Variants in NALCN observed in about 807,000 individuals in gnomAD.
NALCN encodes the protein sodium leak channel, non-selective.
In NALCN, 111 loss-of-function variants were observed where a neutral mutation model predicts 225.3. The observed-to-expected ratio is 0.49, with a 90% CI of 0.42 to 0.58. NALCN has a LOEUF of 0.58. NALCN is among the 20% of genes least tolerant of loss of function. NALCN has a pLI of 0.00. For synonymous variants in NALCN, 764 were observed against 769.0 expected (o/e 0.99, Z 0.11); for missense variants, 1,378 against 2,202.4 (o/e 0.63, Z 7.49).
intron 18 of NALCN, among the ~76,000 whole-genome samples, chr13:101,117,716 ATAAT>A (rs934837336): frequency 3.5e-4 from 53 of 152,172 alleles, no homozygotes; most frequent in African/African-American, 1.2e-3. Context: ...TCCATGCTGA[ATAAT>A]TATTCCACTG....
At chr13:101,357,249 C>A (rs2046091606) in intron 6 of NALCN, among the ~76,000 whole-genome samples, 3 of 152,140 alleles carry the variant, frequency 2.0e-5, no homozygotes, top group Non-Finnish European at 2.9e-5. Flanking sequence ...GTGAAATTTT[C>A]TGTTTCCAGA....
At chr13:101,230,663 G>A (rs565792477) in intron 12 of NALCN, among the ~76,000 whole-genome samples, 2 of 152,266 alleles carry the variant, frequency 1.3e-5, no homozygotes, top group Admixed American at 6.5e-5. Context: ...CATAGAATAC[G>A]ACAGGTCCTG....
chr13:101,373,028 C>A, intron 6 of NALCN: 2 of 379,344 alleles, frequency 5.3e-6, no homozygotes, highest in Non-Finnish European at 5.2e-6. Flanking sequence ...ATCAGACATT[C>A]AAAAGATAAT....
intron 10 of NALCN, among the ~76,000 whole-genome samples, chr13:101,279,012 A>C (rs1407604256): frequency 6.6e-6 from 1 of 152,182 alleles, no homozygotes; most frequent in Non-Finnish European, 1.5e-5. Flanking sequence ...TAATAAACAT[A>C]ATTGATCATC....
rs767930272 is a variant in NALCN at position 101,229,418 on chromosome 13, A to G, written c.1601T>C (p.Leu534Pro). Residue 534 changes from leucine (L) to proline (P), a missense_variant, in exon 13 of 44, where the codon CTG (leucine) becomes CCG (proline). This residue lies in a region of NALCN where 18 missense variants were observed against 18.0 expected (regional missense o/e 1.00). Transcript: ENST00000251127. Reference sequence around the variant, plus strand: ...CCTCGGAAACGTAGTAAATCTGTCCAGTTCTTCGACAAAGCAGAACATCTG... The same window carrying G: ...CCTCGGAAACGTAGTAAATCTGTCCGGTTCTTCGACAAAGCAGAACATCTG... Reference protein sequence around the residue: ...SLQMFCFVEELDRFTTFPRAF... With the variant: ...SLQMFCFVEEPDRFTTFPRAF... The G allele has an allele frequency of 6.2e-7, 1 of 1,601,286 alleles. No homozygotes were observed. Among genetic ancestry groups the G allele is most frequent in the Non-Finnish European group, 8.5e-7 (1 of 1,174,686 alleles).
intron 40 of NALCN, 68 bp from the exon 41 acceptor site, chr13:101,062,186 A>C (rs1030718445): frequency 1.5e-5 from 24 of 1,550,058 alleles, no homozygotes; most frequent in Non-Finnish European, 2.0e-5. Flanking sequence ...TAGATACGTC[A>C]AAATCCAGAG....
At chr13:101,208,011 C>T (rs954785574) in intron 13 of NALCN, among the ~76,000 whole-genome samples, 4 of 151,866 alleles carry the variant, frequency 2.6e-5, no homozygotes, top group Non-Finnish European at 5.9e-5. Flanking sequence ...AGCTGTAACA[C>T]TCACCACGAA....
At position 101,055,059 on chromosome 13, in the gene NALCN, A is replaced by G; in HGVS notation, c.*236T>C. Reference sequence around the variant, plus strand: ...GTGATATACATTTGCTTGCGGTATCATTTCTAATATTATCAGTACTGTCAT... The same window carrying G: ...GTGATATACATTTGCTTGCGGTATCGTTTCTAATATTATCAGTACTGTCAT... On this transcript the variant is annotated 3_prime_UTR_variant, in exon 44 of 44. Transcript: ENST00000251127. 1 of 493,078 alleles carries G rather than the reference A, an allele frequency of 2.0e-6. No individual in the cohort carries two copies. Among genetic ancestry groups the G allele is most frequent in the Non-Finnish European group, 3.6e-6 (1 of 280,026 alleles). 30.5% of individuals were successfully genotyped at this position (493,078 alleles called of 1,614,324 possible).
rs2045186525 is a variant in NALCN, at chr13:101,331,864, A to G, written c.799+13402T>C. Reference sequence around the variant, plus strand: ...GCCTGCCTGCACTCCACCTCTGCACACAGTGACTCAGCTAAGCAGCCCCCA... The same window carrying G: ...GCCTGCCTGCACTCCACCTCTGCACGCAGTGACTCAGCTAAGCAGCCCCCA... On this transcript the variant is annotated intron_variant, in intron 7 of 43. Coordinates refer to ENST00000251127, the MANE Select transcript of NALCN (RefSeq NM_052867.4). 3.3e-5 allele frequency among the ~76,000 whole-genome samples: 5 copies of G among 152,166 alleles called. 1 individual carries two copies. The South Asian group carries it at 1.0e-3, about 31-fold the overall frequency.
At chr13:101,296,442 C>T (rs1370994452) in intron 7 of NALCN, among the ~76,000 whole-genome samples, 1 of 152,148 alleles carries the variant, frequency 6.6e-6, no homozygotes, top group Non-Finnish European at 1.5e-5. Context: ...AACACCTGCA[C>T]ACTCATATAT....
chr13:101,349,937 G>A (rs2045860194), intron 6 of NALCN, among the ~76,000 whole-genome samples: 1 of 152,072 alleles, frequency 6.6e-6, no homozygotes, highest in South Asian at 2.1e-4. Flanking sequence ...TCCAAACCGT[G>A]GAGCAAACTT....
intron 13 of NALCN, among the ~76,000 whole-genome samples, chr13:101,201,991 C>A (rs1394482663): frequency 6.6e-6 from 1 of 152,118 alleles, no homozygotes; most frequent in Admixed American, 6.6e-5. Flanking sequence ...GCAAAAGTGA[C>A]TTCTCTTCTG....
chr13:101,416,498 T>C lies in NALCN; in HGVS notation c.-225A>G, dbSNP rs1261485471. ...CTGGGGCCGCGGCTCACGCTCGCCG[T>C]GTCACTCACTGAGCGCCGCCGCCGC... On this transcript the variant is annotated 5_prime_UTR_variant, in exon 1 of 44. Coordinates refer to ENST00000251127, the MANE Select transcript of NALCN (RefSeq NM_052867.4). 1 of 151,690 alleles carries C rather than the reference T, an allele frequency of 6.6e-6. No homozygotes were observed. Among genetic ancestry groups the C allele is most frequent in the Non-Finnish European group, 1.5e-5 (1 of 67,860 alleles). 9.4% of individuals were successfully genotyped at this position (151,690 alleles called of 1,614,324 possible).
intron 13 of NALCN, among the ~76,000 whole-genome samples, chr13:101,213,513 C>T (rs1180530622): frequency 1.3e-5 from 2 of 152,060 alleles, no homozygotes; most frequent in Non-Finnish European, 1.5e-5. Context: ...AACAGGCAAC[C>T]TACAGAATGA....
chr13:101,300,009 G>A (rs1011148226), intron 7 of NALCN, among the ~76,000 whole-genome samples: 1 of 151,326 alleles, frequency 6.6e-6, no homozygotes, highest in African/African-American at 2.4e-5. Context: ...AATGTATTTA[G>A]TGTGACATAA....
chr13:101,403,232 A>G (rs1238724428), intron 1 of NALCN, among the ~76,000 whole-genome samples: 1 of 152,156 alleles, frequency 6.6e-6, no homozygotes, highest in African/African-American at 2.4e-5. Context: ...GGTATACAGC[A>G]CTGAATATGA....
chr13:101,294,944 G>A (rs894276756), intron 7 of NALCN, among the ~76,000 whole-genome samples: 2 of 152,082 alleles, frequency 1.3e-5, no homozygotes, highest in African/African-American at 2.4e-5. Flanking sequence ...GAAACAGGAC[G>A]TGAAGCTAGA....
intron 7 of NALCN, among the ~76,000 whole-genome samples, chr13:101,318,664 A>G (rs780358642): frequency 1.1e-4 from 17 of 152,218 alleles, no homozygotes; most frequent in Non-Finnish European, 2.1e-4. Context: ...TGAAGAGGCT[A>G]GAATTATATG....
intron 14 of NALCN, among the ~76,000 whole-genome samples, chr13:101,189,535 C>G (rs1298907056): frequency 6.6e-6 from 1 of 152,160 alleles, no homozygotes; most frequent in East Asian, 1.9e-4. Context: ...TCCTCACTTT[C>G]CGATACAAAC....
Sources: gnomAD v4.1 joint callset for allele counts (sites outside exome capture counted in the v4.1 genomes callset) on GRCh38, gnomAD v4.1.1 for gene constraint, gnomAD v4.1.1 regional missense constraint, MANE v1.5 for transcripts, NCBI Gene and HGNC (gene_info 2026-07-23, HGNC 2026-07-21) for gene names.